The following ZNF704 variants were observed in gnomAD, a reference collection of about 807,000 sequenced individuals.
The protein encoded by ZNF704 is zinc finger protein 704, also known as glucocorticoid induced gene 1.
Under a neutral mutation model 44.7 loss-of-function variants are expected in ZNF704, and 10 were observed. The observed-to-expected ratio is 0.22, with a 90% CI of 0.14 to 0.38. ZNF704 has a LOEUF of 0.38. Among genes scored for constraint, ZNF704 ranks in the 10% least tolerant of loss-of-function variants. The pLI is 1.00. For synonymous variants in ZNF704, 211 were observed against 207.6 expected, an observed-to-expected ratio of 1.02 and a Z score of -0.14; for missense variants, 390 against 545.5, an observed-to-expected ratio of 0.71 and a Z score of 2.84.
At chr8:80,880,709 A>G in the ZNF704 span, among the ~76,000 whole-genome samples, 1 of 152,244 alleles carries the variant, frequency 6.6e-6, no homozygotes, top group Admixed American at 6.5e-5. Flanking sequence ...AATGATAGCC[A>G]TTTTAAACTT....
chr8:80,708,125 C>A lies in ZNF704; in HGVS notation c.222-15018G>T, dbSNP rs145699470. 1.3e-3 allele frequency among the ~76,000 whole-genome samples: 192 copies of A among 152,288 alleles called. 1 individual carries two copies. Among genetic ancestry groups the A allele is most frequent in the Non-Finnish European group, 2.3e-3 (158 of 68,030 alleles). On this transcript the variant is annotated intron_variant, in intron 2 of 8. Coordinates refer to ENST00000327835, the MANE Select transcript of ZNF704 (RefSeq NM_001033723.3). ...CAATTTGAACTTTCAATATAGGTAT[C>A]CTGTCCCTAGAAAACGGTAATTCTG...
intron 2 of ZNF704, among the ~76,000 whole-genome samples, chr8:80,786,927 A>C (rs1290025548): frequency 6.6e-6 from 1 of 152,230 alleles, no homozygotes; most frequent in Non-Finnish European, 1.5e-5. Context: ...AAGACTCCTG[A>C]TTATTATACA....
chr8:80,705,477 G>A (rs550073587), intron 2 of ZNF704, among the ~76,000 whole-genome samples: 17 of 151,738 alleles, frequency 1.1e-4, no homozygotes, highest in Non-Finnish European at 2.1e-4. Context: ...GCACAGCTAT[G>A]TGTGTCTGGG....
intron 1 of ZNF704, among the ~76,000 whole-genome samples, chr8:80,825,714 A>G (rs1490607366): frequency 6.6e-6 from 1 of 152,232 alleles, no homozygotes; most frequent in Non-Finnish European, 1.5e-5. Context: ...AACAGAAATT[A>G]TAACAAACTG....
chr8:80,736,041 T>C (rs1293256528), intron 2 of ZNF704, among the ~76,000 whole-genome samples: 1 of 152,186 alleles, frequency 6.6e-6, no homozygotes, highest in Non-Finnish European at 1.5e-5. Flanking sequence ...ATAAGGTCTA[T>C]AGAATTGTCC....
intron 2 of ZNF704, among the ~76,000 whole-genome samples, chr8:80,816,138 C>T (rs1808173296): frequency 6.6e-6 from 1 of 152,210 alleles, no homozygotes. Flanking sequence ...CTTGTCTAAA[C>T]TACCATAATT....
intron 1 of ZNF704, among the ~76,000 whole-genome samples, chr8:80,851,173 G>A (rs896761077): frequency 6.6e-6 from 1 of 152,028 alleles, no homozygotes; most frequent in African/African-American, 2.4e-5. Flanking sequence ...CGATTCCTCA[G>A]GGAACTAGAA....
chr8:80,651,553 A>C (rs1355912664), intron 7 of ZNF704, among the ~76,000 whole-genome samples: 9 of 152,246 alleles, frequency 5.9e-5, no homozygotes. Flanking sequence ...ACCAACAAAG[A>C]TCAAAAGAGA....
Position 80,643,005 on chromosome 8 carries a change from AGGTGTGTG to A in ZNF704, c.1127+22_1127+29del, listed in dbSNP as rs749773628. 38 of 1,441,570 alleles carry A rather than the reference AGGTGTGTG, an allele frequency of 2.6e-5. No homozygotes were observed. In the South Asian group the frequency reaches 4.8e-4, roughly 18 times the overall value. The allele number at this position is 1,441,570 out of a possible 1,614,324, so 89.3% of individuals were successfully genotyped here. A position where few individuals can be genotyped will look rare whatever the true frequency, so the allele number is the denominator to read the frequency against. On this transcript the variant is annotated intron_variant, in intron 8 of 8. Transcript: ENST00000327835. ...TTTTACAGTTAATTCCCTTGTGGTG[AGGTGTGTG>A]GAGTTTTTTAAGCTGTCGTACCTTA... is the stretch of plus-strand genomic sequence containing the variant.
chr8:80,737,817 T>C (rs903881722), intron 2 of ZNF704, among the ~76,000 whole-genome samples: 3 of 152,182 alleles, frequency 2.0e-5, no homozygotes, highest in African/African-American at 7.2e-5. Flanking sequence ...CTGTGGTACA[T>C]TGTGAAACCT....
At chr8:80,862,764 C>CAAAAAAAA (rs71266094) in intron 1 of ZNF704, among the ~76,000 whole-genome samples, 3 of 13,096 alleles carry the variant, frequency 2.3e-4, no homozygotes, top group Admixed American at 8.6e-4. Flanking sequence ...GACTCCGTCT[C>CAAAAAAAA]AAAAAAAAAA....
intron 4 of ZNF704, among the ~76,000 whole-genome samples, chr8:80,680,508 G>A (rs574207054): frequency 6.6e-6 from 1 of 152,122 alleles, no homozygotes; most frequent in East Asian, 1.9e-4. Flanking sequence ...CAGGTGAGTT[G>A]GCTGCATTAT....
chr8:80,800,923 A>G (rs1472104595), intron 2 of ZNF704, among the ~76,000 whole-genome samples: 1 of 152,130 alleles, frequency 6.6e-6, no homozygotes, highest in East Asian at 1.9e-4. Context: ...ACCCATCTCA[A>G]GGCCAAAGAC....
intron 2 of ZNF704, among the ~76,000 whole-genome samples, chr8:80,775,382 T>A (rs1041844535): frequency 6.6e-6 from 1 of 152,244 alleles, no homozygotes; most frequent in Non-Finnish European, 1.5e-5. Flanking sequence ...AGATAAAGCA[T>A]GGATGCTAAT....
chr8:80,801,222 A>G (rs1807894671), intron 2 of ZNF704, among the ~76,000 whole-genome samples: 1 of 152,216 alleles, frequency 6.6e-6, no homozygotes, highest in Admixed American at 6.5e-5. Flanking sequence ...TAATAGTGAG[A>G]GACTTTAACA....
chr8:80,719,916 G>A lies in ZNF704; in HGVS notation c.222-26809C>T, dbSNP rs140192236. On this transcript the variant is annotated intron_variant, in intron 2 of 8. Transcript: ENST00000327835. ...CAGCTTACTTGAAATGGAAAGTACC[G>A]AGATTGATGGAATGTAGTCACTGGT... Among the ~76,000 whole-genome samples, 878 of 152,286 alleles carry A rather than the reference G, an allele frequency of 5.8e-3. 22 individuals are homozygous for A. Among genetic ancestry groups the A allele is most frequent in the East Asian group, 0.049 (256 of 5,186 alleles).
At chr8:80,873,421 C>T (rs1809292424) in intron 1 of ZNF704, 1 of 152,390 alleles carries the variant, frequency 6.6e-6, no homozygotes, top group Non-Finnish European at 1.5e-5. Context: ...ACACACCCCT[C>T]CTGGCCGGGT....
chr8:80,694,043 G>C (rs1303174091), intron 2 of ZNF704, among the ~76,000 whole-genome samples: 1 of 152,138 alleles, frequency 6.6e-6, no homozygotes, highest in East Asian at 1.9e-4. Context: ...CTTGGACATG[G>C]GAGATGAGCA....
intron 2 of ZNF704, among the ~76,000 whole-genome samples, chr8:80,792,282 C>A (rs1807722359): frequency 6.6e-6 from 1 of 152,150 alleles, no homozygotes; most frequent in Non-Finnish European, 1.5e-5. Flanking sequence ...ATTTGAACAA[C>A]TTCTGGCAAA....
Sources: allele counts gnomAD v4.1 joint callset (sites outside exome capture counted in the v4.1 genomes callset), GRCh38; gene constraint gnomAD v4.1.1; transcripts MANE v1.5; gene names NCBI Gene and HGNC (gene_info 2026-07-23, HGNC 2026-07-21).